Variants in ARFIP1 observed in about 807,000 individuals in gnomAD.
ARFIP1 encodes the protein ARF interacting protein 1.
Under a neutral mutation model 42.5 loss-of-function variants are expected in ARFIP1, and 24 were observed. That is an observed-to-expected ratio of 0.57 (90% CI 0.41 to 0.80). ARFIP1 has a LOEUF of 0.80. ARFIP1 is among the 30% of genes least tolerant of loss of function. ARFIP1 has a pLI of 0.00. For missense variants in ARFIP1, 354 were observed against 434.0 expected (o/e 0.82, Z 1.64); for synonymous variants, 141 against 153.7 (o/e 0.92, Z 0.61).
rs1738868824 is a variant in ARFIP1 at position 152,911,778 on chromosome 4, C to T, written c.*1559C>T. The T allele has an allele frequency of 6.6e-6, 1 of 152,434 alleles. No individual in the cohort carries two copies. Among genetic ancestry groups the T allele is most frequent in the African/African-American group, 2.4e-5 (1 of 41,396 alleles). 9.4% of individuals were successfully genotyped at this position (152,434 alleles called of 1,614,324 possible). ...CATACCTATTTTAAATCATTCCTTC[C>T]TGTATATTTGTACTCAGAGAGCCTT... On this transcript the variant is annotated 3_prime_UTR_variant, in exon 9 of 9. Transcript: ENST00000353617.
chr4:152,781,238 T>TC (rs1394459206), intron 1 of ARFIP1, among the ~76,000 whole-genome samples: 40 of 144,902 alleles, frequency 2.8e-4, no homozygotes, highest in Middle Eastern at 3.4e-3. Flanking sequence ...TTTTTTCTTT[T>TC]TTTTTTTTTT....
Position 152,912,238 on chromosome 4 carries a change from T to G in ARFIP1, c.*2019T>G, listed in dbSNP as rs1298921865. 4 of 152,166 alleles carry G rather than the reference T, an allele frequency of 2.6e-5. No individual in the cohort carries two copies. In the East Asian group the frequency reaches 7.7e-4, roughly 29 times the overall value. The allele number at this position is 152,166 out of a possible 1,614,324, so 9.4% of individuals were successfully genotyped here. Reference sequence around the variant, plus strand: ...GTAAATCAATATATTTAGCCAATGGTACATTTACTTTGTTAGGAATGTAAT... The same window carrying G: ...GTAAATCAATATATTTAGCCAATGGGACATTTACTTTGTTAGGAATGTAAT... On this transcript the variant is annotated 3_prime_UTR_variant, in exon 9 of 9. Coordinates refer to ENST00000353617, the MANE Select transcript of ARFIP1 (RefSeq NM_001025595.3).
At chr4:152,810,968 C>G (rs1049200276) in intron 1 of ARFIP1, among the ~76,000 whole-genome samples, 1 of 152,014 alleles carries the variant, frequency 6.6e-6, no homozygotes, top group African/African-American at 2.4e-5. Context: ...TGATGGTGTG[C>G]TATTGCATGT....
intron 6 of ARFIP1, among the ~76,000 whole-genome samples, chr4:152,881,531 T>C (rs1363983783): frequency 6.6e-6 from 1 of 152,228 alleles, no homozygotes; most frequent in Non-Finnish European, 1.5e-5. Context: ...TTCTGTATTA[T>C]TCTATTTCCA....
intron 2 of ARFIP1, among the ~76,000 whole-genome samples, chr4:152,836,103 C>T (rs897151422): frequency 3.9e-5 from 6 of 152,090 alleles, no homozygotes; most frequent in African/African-American, 7.2e-5. Context: ...TTGGAGGAGA[C>T]GAACATCCAA....
intron 8 of ARFIP1, among the ~76,000 whole-genome samples, chr4:152,895,242 A>T (rs1220718782): frequency 6.6e-6 from 1 of 152,218 alleles, no homozygotes; most frequent in Non-Finnish European, 1.5e-5. Context: ...GTGATAGTGG[A>T]AATGGAGTGA....
At chr4:152,808,618 T>C (rs1211463004) in intron 1 of ARFIP1, among the ~76,000 whole-genome samples, 1 of 152,092 alleles carries the variant, frequency 6.6e-6, no homozygotes, top group Non-Finnish European at 1.5e-5. Context: ...TATAAGAGTC[T>C]AGTTGCTCTA....
chr4:152,881,235 G>A (rs750222943), intron 6 of ARFIP1, 51 bp downstream of exon 6: 2 of 1,364,136 alleles, frequency 1.5e-6, no homozygotes, highest in Non-Finnish European at 2.1e-6. Context: ...GATAATAGAA[G>A]TATTCTAAGA....
chr4:152,823,671 G>A (rs1730569920), intron 1 of ARFIP1, among the ~76,000 whole-genome samples: 1 of 151,236 alleles, frequency 6.6e-6, no homozygotes, highest in Admixed American at 6.6e-5. Flanking sequence ...CAGCTACTTG[G>A]GAGGCTGAGG....
At chr4:152,855,286 G>C (rs1214999770) in intron 2 of ARFIP1, among the ~76,000 whole-genome samples, 4 of 152,142 alleles carry the variant, frequency 2.6e-5, no homozygotes, top group Non-Finnish European at 5.9e-5. Context: ...GCTGCGGGGG[G>C]TGGGGAAGCC....
chr4:152,789,163 T>C (rs1020186418), intron 1 of ARFIP1, among the ~76,000 whole-genome samples: 2 of 139,884 alleles, frequency 1.4e-5, no homozygotes, highest in African/African-American at 5.4e-5. Context: ...CAATCTCGGC[T>C]CACTGCAACC....
chr4:152,784,592 A>G (rs937816185), intron 1 of ARFIP1, among the ~76,000 whole-genome samples: 3 of 152,232 alleles, frequency 2.0e-5, no homozygotes, highest in Admixed American at 2.0e-4. Flanking sequence ...CTGCTTTGAA[A>G]TCTTCTTCTA....
At chr4:152,801,149 T>C (rs1728389691) in intron 1 of ARFIP1, among the ~76,000 whole-genome samples, 1 of 152,120 alleles carries the variant, frequency 6.6e-6, no homozygotes, top group Non-Finnish European at 1.5e-5. Context: ...TATACGTAAG[T>C]TATTTTATAA....
At chr4:152,802,720 A>G (rs1728521255) in intron 1 of ARFIP1, among the ~76,000 whole-genome samples, 1 of 152,194 alleles carries the variant, frequency 6.6e-6, no homozygotes, top group African/African-American at 2.4e-5. Flanking sequence ...CATTGTTTCT[A>G]AGCATTTTAG....
intron 2 of ARFIP1, among the ~76,000 whole-genome samples, chr4:152,846,122 A>G (rs1732517918): frequency 1.3e-5 from 2 of 152,186 alleles, no homozygotes; most frequent in Non-Finnish European, 1.5e-5. Context: ...CAAATACCAT[A>G]TATTCTCACT....
At chr4:152,803,839 A>G (rs1355825453) in intron 1 of ARFIP1, among the ~76,000 whole-genome samples, 3 of 151,410 alleles carry the variant, frequency 2.0e-5, no homozygotes, top group Non-Finnish European at 2.9e-5. Flanking sequence ...GGGTCAGAGT[A>G]AATTAAGAGG....
chr4:152,829,629 C>T lies in ARFIP1; in HGVS notation c.-5C>T, dbSNP rs1023693032. The T allele has an allele frequency of 6.2e-7, 1 of 1,607,640 alleles. No homozygotes were observed. The highest frequency in any genetic ancestry group is 1.3e-5 in the African/African-American group (1 of 74,494). ...TTTTTTCTTCTTTTGTTTTAGGAGT[C>T]TACCATGGCTCAAGAATCTCCCAAA... On this transcript the variant is annotated 5_prime_UTR_variant, in exon 2 of 9. Coordinates refer to ENST00000353617, the MANE Select transcript of ARFIP1 (RefSeq NM_001025595.3).
chr4:152,904,145 A>G (rs1232431297), intron 8 of ARFIP1, among the ~76,000 whole-genome samples: 6 of 149,172 alleles, frequency 4.0e-5, no homozygotes, highest in Non-Finnish European at 4.4e-5. Context: ...TGCTGCACCT[A>G]TCAACCCATC....
At chr4:152,890,369 C>A (rs1440036938) in intron 8 of ARFIP1, among the ~76,000 whole-genome samples, 1 of 152,126 alleles carries the variant, frequency 6.6e-6, no homozygotes, top group East Asian at 1.9e-4. Flanking sequence ...TTTTAAATGT[C>A]AATCAGATGA....
Sources: allele counts gnomAD v4.1 joint callset (sites outside exome capture counted in the v4.1 genomes callset), GRCh38; gene constraint gnomAD v4.1.1; transcripts MANE v1.5; gene names NCBI Gene and HGNC (gene_info 2026-07-23, HGNC 2026-07-21).